MAGI3: variants seen among roughly 807,000 people sequenced by gnomAD.
The protein encoded by MAGI3 is membrane-associated guanylate kinase, WW and PDZ domain-containing protein 3.
In MAGI3, 43 loss-of-function variants were observed where a neutral mutation model predicts 121.8. That is an observed-to-expected ratio of 0.35 (90% confidence interval 0.28 to 0.46). The LOEUF (loss-of-function observed/expected upper bound fraction) is 0.46, where lower values mean the gene tolerates loss of function less well. MAGI3 is among the 20% of genes least tolerant of loss of function. The probability of loss-of-function intolerance (pLI) is 1.00; values close to 1 mark genes in which losing one functional copy is unlikely to be tolerated. For synonymous variants in MAGI3, 553 were observed against 639.3 expected, an observed-to-expected ratio of 0.86 and a Z score of 2.04; for missense variants, 1,547 against 1,797.3, an observed-to-expected ratio of 0.86 and a Z score of 2.52.
At chr1:113,416,028 G>C (rs200618425) in intron 1 of MAGI3, among the ~76,000 whole-genome samples, 14,862 of 123,656 alleles carry the variant, frequency 0.12, 1,766 homozygotes, top group East Asian at 0.61. Flanking sequence ...TGTAATTAAT[G>C]ACACATATTA....
chr1:113,403,949 A>G (rs771613141), intron 1 of MAGI3: 2 of 152,178 alleles, frequency 1.3e-5, no homozygotes, highest in African/African-American at 4.8e-5. Context: ...TAGTATATTA[A>G]TTACAATTTA....
intron 1 of MAGI3, among the ~76,000 whole-genome samples, chr1:113,540,875 T>C (rs1659262151): frequency 6.6e-6 from 1 of 152,188 alleles, no homozygotes; most frequent in African/African-American, 2.4e-5. Flanking sequence ...TATACATAAT[T>C]TGAATATAAG....
chr1:113,533,704 A>G (rs946418998), intron 1 of MAGI3, among the ~76,000 whole-genome samples: 1 of 152,164 alleles, frequency 6.6e-6, no homozygotes, highest in Non-Finnish European at 1.5e-5. Flanking sequence ...AACGGAATAC[A>G]GATAACACAC....
chr1:113,603,373 A>G (rs971654374), intron 6 of MAGI3, among the ~76,000 whole-genome samples: 2 of 151,798 alleles, frequency 1.3e-5, no homozygotes, highest in Non-Finnish European at 2.9e-5. Flanking sequence ...AACAACAACA[A>G]CAACAAAAAG....
intron 9 of MAGI3, among the ~76,000 whole-genome samples, chr1:113,635,357 T>G (rs894441097): frequency 1.1e-4 from 16 of 152,172 alleles, no homozygotes; most frequent in African/African-American, 3.9e-4. Flanking sequence ...ATATTGGCTG[T>G]GGGTTTGTCA....
chr1:113,602,958 G>A (rs1649499329), intron 6 of MAGI3, among the ~76,000 whole-genome samples: 1 of 151,570 alleles, frequency 6.6e-6, no homozygotes, highest in African/African-American at 2.4e-5. Flanking sequence ...GTGTGTATGT[G>A]TATGTATACA....
chr1:113,456,594 AT>A (rs1483104059), intron 1 of MAGI3, among the ~76,000 whole-genome samples: 7 of 152,362 alleles, frequency 4.6e-5, no homozygotes, highest in African/African-American at 1.7e-4. Flanking sequence ...TAAGTTATAC[AT>A]TGAATTTAAA....
chr1:113,448,025 G>A (rs2101476997), intron 1 of MAGI3, among the ~76,000 whole-genome samples: 1 of 152,164 alleles, frequency 6.6e-6, no homozygotes, highest in African/African-American at 2.4e-5. Flanking sequence ...TTCTAATTTT[G>A]GTAATATTCA....
At chr1:113,673,616 G>C (rs760709175) in intron 19 of MAGI3, 151 bp downstream of exon 19, 31 of 824,084 alleles carry the variant, frequency 3.8e-5, no homozygotes, top group Non-Finnish European at 5.7e-5. Context: ...GCAAATGCTT[G>C]TCATTTTGCT....
Position 113,649,240 on chromosome 1 carries a change from C to A in MAGI3, c.2159C>A (p.Pro720Gln). 6.2e-7 allele frequency: 1 copy of A among 1,610,774 alleles called. No homozygotes were observed. Among genetic ancestry groups the A allele is most frequent in the Non-Finnish European group, 8.5e-7 (1 of 1,178,866 alleles). Reference protein sequence around the residue: ...KSKTLYEDKPPNTKDLDVFLR... With the variant: ...KSKTLYEDKPQNTKDLDVFLR... ...TATATTTTCTGATTTTCCTCAGCAC[C>A]AAACACCAAAGATTTGGATGTTTTT... Residue 720 changes from proline to glutamine, a missense_variant, in exon 13 of 21, where the codon CCA (proline) becomes CAA (glutamine). By Grantham distance (76) the Pro-to-Gln change is moderately conservative. Coordinates refer to ENST00000307546, the MANE Select transcript of MAGI3 (RefSeq NM_001142782.2).
At chr1:113,481,464 ATAT>A (rs1471840546) in intron 1 of MAGI3, among the ~76,000 whole-genome samples, 1 of 152,178 alleles carries the variant, frequency 6.6e-6, no homozygotes, top group African/African-American at 2.4e-5. Context: ...AATTCACTAT[ATAT>A]ATAAAGCTTG....
chr1:113,458,687 A>AT (rs1557768070), intron 1 of MAGI3, among the ~76,000 whole-genome samples: 1 of 151,070 alleles, frequency 6.6e-6, no homozygotes, highest in East Asian at 2.0e-4. Flanking sequence ...CTAGTTTTAA[A>AT]TTTTTTTATT....
At chr1:113,591,887 A>G (rs1400162615) in intron 5 of MAGI3, among the ~76,000 whole-genome samples, 1 of 152,186 alleles carries the variant, frequency 6.6e-6, no homozygotes. Context: ...AGTAAATTAA[A>G]GAGGGAGAAT....
intron 1 of MAGI3, among the ~76,000 whole-genome samples, chr1:113,533,272 A>G (rs1246416593): frequency 6.6e-6 from 1 of 152,236 alleles, no homozygotes; most frequent in Non-Finnish European, 1.5e-5. Context: ...GAACAAAATC[A>G]TGTCCTTTGC....
chr1:113,397,115 C>T (rs1651155032), intron 1 of MAGI3, among the ~76,000 whole-genome samples: 1 of 152,140 alleles, frequency 6.6e-6, no homozygotes, highest in African/African-American at 2.4e-5. Flanking sequence ...TGCCACTTTT[C>T]CACCCATGTT....
intron 2 of MAGI3, among the ~76,000 whole-genome samples, chr1:113,565,253 C>G (rs796166741): frequency 1.3e-5 from 2 of 152,114 alleles, no homozygotes; most frequent in Non-Finnish European, 2.9e-5. Context: ...TCATTTTGCA[C>G]TGACATTCAT....
At chr1:113,668,902 G>C (rs1647350070) in intron 16 of MAGI3, among the ~76,000 whole-genome samples, 1 of 152,186 alleles carries the variant, frequency 6.6e-6, no homozygotes, top group Non-Finnish European at 1.5e-5. Context: ...AACTTTAAAA[G>C]TAAGCACCAA....
chr1:113,445,655 G>A (rs954608552), intron 1 of MAGI3, among the ~76,000 whole-genome samples: 2 of 152,102 alleles, frequency 1.3e-5, no homozygotes, highest in South Asian at 2.1e-4. Context: ...AGTGAGAGAA[G>A]CAACTTATCA....
At chr1:113,540,551 C>T (rs1434296783) in intron 1 of MAGI3, among the ~76,000 whole-genome samples, 1 of 152,150 alleles carries the variant, frequency 6.6e-6, no homozygotes, top group African/African-American at 2.4e-5. Flanking sequence ...CACTGTAGAG[C>T]ACTAGTTAGA....
Sources: gnomAD v4.1 joint callset for allele counts (sites outside exome capture counted in the v4.1 genomes callset) on GRCh38, gnomAD v4.1.1 for gene constraint, MANE v1.5 for transcripts, NCBI Gene and HGNC (gene_info 2026-07-23, HGNC 2026-07-21) for gene names.